The following GRM4 variants were observed in gnomAD, a reference collection of about 807,000 sequenced individuals.
GRM4 encodes metabotropic glutamate receptor 4.
In GRM4, 28 loss-of-function variants were observed where a neutral mutation model predicts 81.7. That is an observed-to-expected ratio of 0.34 (90% CI 0.25 to 0.47). The LOEUF (loss-of-function observed/expected upper bound fraction) is 0.47, where lower values mean the gene tolerates loss of function less well. GRM4 is among the 20% of genes least tolerant of loss of function. GRM4 has a pLI of 1.00. For missense variants in GRM4, 948 were observed against 1,290.0 expected (o/e 0.73, Z 4.06); for synonymous variants, 488 against 528.8 (o/e 0.92, Z 1.06).
At chr6:34,091,576 C>A (rs1354935191) in intron 3 of GRM4, 4 of 373,888 alleles carry the variant, frequency 1.1e-5, no homozygotes, top group Admixed American at 4.3e-5. Flanking sequence ...GTCCCCACCC[C>A]ATCCCTTCCT....
At chr6:34,095,331 C>A (rs1355354401) in intron 2 of GRM4, among the ~76,000 whole-genome samples, 1 of 152,160 alleles carries the variant, frequency 6.6e-6, no homozygotes, top group Non-Finnish European at 1.5e-5. Flanking sequence ...CCCGCAGCCT[C>A]CCTCCTCAGC....
intron 4 of GRM4, chr6:34,061,598 T>G: frequency 3.1e-6 from 1 of 319,426 alleles, no homozygotes; most frequent in Non-Finnish European, 5.8e-6. Flanking sequence ...AGAACCTAAG[T>G]GGTCCGGCCC....
At chr6:34,076,676 AG>A (rs1457653968) in intron 3 of GRM4, among the ~76,000 whole-genome samples, 1 of 144,174 alleles carries the variant, frequency 6.9e-6, no homozygotes, top group Non-Finnish European at 1.5e-5. Context: ...GCAGCAGGAG[AG>A]GCCTTCTTGA....
Position 34,094,250 on chromosome 6 carries a change from C to G in GRM4, c.520-2151G>C, listed in dbSNP as rs115427737. On this transcript the variant is annotated intron_variant, in intron 2 of 10. Coordinates refer to ENST00000538487, the MANE Select transcript of GRM4 (RefSeq NM_000841.4). ...GCCTCAGGGGAGGAAAGCAAGTGGC[C>G]GAGACAGGATATGGCAGGGACCTTT... Among the ~76,000 whole-genome samples the G allele has an allele frequency of 1.9e-3, 292 of 152,234 alleles. 3 individuals carry two copies. The highest frequency in any genetic ancestry group is 6.3e-3 in the African/African-American group (262 of 41,526).
chr6:34,142,828 G>A (rs184669109), intron 1 of GRM4, among the ~76,000 whole-genome samples: 7 of 152,358 alleles, frequency 4.6e-5, no homozygotes, highest in Non-Finnish European at 5.9e-5. Context: ...GGGAGGAGGG[G>A]GGGAGGAGGA....
chr6:34,031,467 C>G (rs1030100801), intron 9 of GRM4, among the ~76,000 whole-genome samples: 5 of 152,200 alleles, frequency 3.3e-5, no homozygotes, highest in Admixed American at 1.3e-4. Flanking sequence ...TGCTTTCGTG[C>G]TAGGCCTGGT....
chr6:34,058,754 G>C (rs1202471948), intron 5 of GRM4, among the ~76,000 whole-genome samples: 1 of 152,244 alleles, frequency 6.6e-6, no homozygotes, highest in African/African-American at 2.4e-5. Flanking sequence ...TCTGAGAAGA[G>C]AGGAGGGAAG....
intron 2 of GRM4, among the ~76,000 whole-genome samples, chr6:34,097,988 C>T (rs1008360243): frequency 5.9e-5 from 9 of 152,202 alleles, no homozygotes; most frequent in African/African-American, 1.4e-4. Context: ...TGGCACAGCA[C>T]GTAAGTGTCC....
intron 3 of GRM4, among the ~76,000 whole-genome samples, chr6:34,072,578 ACAT>A (rs1766984535): frequency 6.6e-6 from 1 of 152,022 alleles, no homozygotes; most frequent in Admixed American, 6.5e-5. Flanking sequence ...CAACACACAC[ACAT>A]ATCACACAGA....
Position 34,035,673 on chromosome 6 carries a change from C to G in GRM4, c.2437G>C (p.Asp813His). 1 of 1,482,350 alleles carries G rather than the reference C, an allele frequency of 6.7e-7. No individual in the cohort carries two copies. Among genetic ancestry groups the G allele is most frequent in the Non-Finnish European group, 9.2e-7 (1 of 1,086,676 alleles). 91.8% of individuals were successfully genotyped at this position (1,482,350 alleles called of 1,614,324 possible). ...PIFFGTSQSA[D>H]KLYIQTTTLT... ...CCCCGGCCCCCACCACTCACCTTGT[C>G]GGCCGACTGCGAGGTGCCAAAGAAG... The change falls in exon 9 of 11, where the codon GAC (aspartate) becomes CAC (histidine). Residue 813 changes from aspartate (D) to histidine (H), a missense_variant. Physicochemically the swap from Asp to His is moderately conservative, Grantham distance 81. Transcript: ENST00000538487. This position sits in a 1 kb window ranked among gnomAD's most constrained non-coding sequence, Gnocchi z 6.6.
rs111902552 is a variant in GRM4, at chr6:34,025,020, G to A, written c.2690-2150C>T. The stretch of plus-strand genomic sequence containing the variant: ...GCCTGGGATGGCAGGTGCTGAGAGG[G>A]AGATGAGCACAGACCAGCACCCTGA... On this transcript the variant is annotated intron_variant, in intron 10 of 10. Transcript: ENST00000538487. 7.7e-3 allele frequency among the ~76,000 whole-genome samples: 1,174 copies of A among 152,288 alleles called. 14 individuals are homozygous for A. The highest frequency in any genetic ancestry group is 0.027 in the African/African-American group (1,111 of 41,544).
Position 34,061,894 on chromosome 6 carries a change from T to C in GRM4, c.871A>G (p.Arg291Gly). The C allele has an allele frequency of 6.2e-7, 1 of 1,611,030 alleles. No homozygotes were observed. Among genetic ancestry groups the C allele is most frequent in the Non-Finnish European group, 8.5e-7 (1 of 1,177,918 alleles). Residue 291 changes from arginine to glycine, a missense_variant and splice_region_variant, in exon 4 of 11, where the codon AGG becomes GGG. Physicochemically the swap from Arg to Gly is moderately radical, Grantham distance 125 (BLOSUM62 -2). Transcript: ENST00000538487. Reference protein sequence around the residue: ...VIIFANEDDIRRVLEAARRAN... With the variant: ...VIIFANEDDIGRVLEAARRAN... ...CACCCTGCTGCCACCTGCCCTCACCTGATGTCATCCTCGTTGGCAAAGATG... is the reference window on the plus strand; with the variant it reads ...CACCCTGCTGCCACCTGCCCTCACCCGATGTCATCCTCGTTGGCAAAGATG...
In GRM4 at chr6:34,022,504, G is replaced by C; in HGVS notation, c.*317C>G. 2.4e-6 allele frequency: 1 copy of C among 411,672 alleles called. No individual in the cohort carries two copies. The allele number at this position is 411,672 out of a possible 1,614,324, so 25.5% of individuals were successfully genotyped here. ...GGTCGCCAACAGCACAGACAGAGAC[G>C]AAGGGAGGGAGAGATCTAGCACTGG... On this transcript the variant is annotated 3_prime_UTR_variant, in exon 11 of 11. Coordinates refer to ENST00000538487, the MANE Select transcript of GRM4 (RefSeq NM_000841.4). The surrounding 1 kb of genome is among the most constrained non-coding windows in gnomAD (Gnocchi z 5.6).
At chr6:34,155,532 T>C in exon 1 of GRM4, 1 of 557,536 alleles carries the variant, frequency 1.8e-6, no homozygotes, top group Non-Finnish European at 3.0e-6. Flanking sequence ...AATCTGTTTT[T>C]TTGTTTTGGG....
chr6:34,101,993 A>C (rs549475032), intron 2 of GRM4: 1 of 1,534,482 alleles, frequency 6.5e-7, no homozygotes, highest in Non-Finnish European at 8.7e-7. Flanking sequence ...CCTAGTGGCC[A>C]GGTCAGGGCC....
intron 3 of GRM4, among the ~76,000 whole-genome samples, chr6:34,088,085 G>A (rs535796045): frequency 9.9e-5 from 15 of 152,180 alleles, no homozygotes; most frequent in South Asian, 2.1e-4. Flanking sequence ...CCTCCAGTGC[G>A]CATTCCTGAG....
rs1163105470 is a variant in GRM4, at chr6:34,068,520, T to G, written c.737-6492A>C. Among the ~76,000 whole-genome samples the G allele has an allele frequency of 2.0e-5, 3 of 152,016 alleles. No individual in the cohort carries two copies. The East Asian group carries it at 5.8e-4, about 29-fold the overall frequency. On this transcript the variant is annotated intron_variant, in intron 3 of 10. Transcript: ENST00000538487. This position sits in a 1 kb window ranked among gnomAD's most constrained non-coding sequence, Gnocchi z 4.2. ...CAGCACTTCCCCATCCTCCCTGGCA[T>G]GGCTCTCCCCACCCCACCTGTCTCA...
At chr6:34,132,677 G>T (rs537484569) in intron 2 of GRM4, among the ~76,000 whole-genome samples, 1 of 152,304 alleles carries the variant, frequency 6.6e-6, no homozygotes, top group Non-Finnish European at 1.5e-5. Context: ...CCCCAGAGAG[G>T]AGTGGAGTTG....
At chr6:34,028,046 A>C in intron 10 of GRM4, 74 bp downstream of exon 10, 1 of 1,471,994 alleles carries the variant, frequency 6.8e-7, no homozygotes, top group Non-Finnish European at 9.1e-7. Flanking sequence ...GGGGAGGGGC[A>C]GGAGCTCAGC....
Sources: gnomAD v4.1 joint callset for allele counts (sites outside exome capture counted in the v4.1 genomes callset) on GRCh38, gnomAD v4.1.1 for gene constraint, Gnocchi (gnomAD v3.1) non-coding constraint, MANE v1.5 for transcripts, NCBI Gene and HGNC (gene_info 2026-07-23, HGNC 2026-07-21) for gene names.